Variants in CTTNBP2NL observed in about 807,000 individuals in gnomAD.
CTTNBP2NL encodes the protein CTTNBP2 N-terminal-like protein.
A neutral mutation model predicts 32.5 loss-of-function variants in CTTNBP2NL; 16 were observed. The ratio of observed to expected loss-of-function variants is 0.49; its 90% CI spans 0.33 to 0.75. The LOEUF (loss-of-function observed/expected upper bound fraction) is 0.75, where lower values mean the gene tolerates loss of function less well. CTTNBP2NL is among the 30% of genes least tolerant of loss of function. The pLI is 0.02. For synonymous variants in CTTNBP2NL, 298 were observed against 289.4 expected, an observed-to-expected ratio of 1.03 and a Z score of -0.30; for missense variants, 645 against 756.0, an observed-to-expected ratio of 0.85 and a Z score of 1.72.
At position 112,416,653 on chromosome 1, in the gene CTTNBP2NL, C is replaced by T. The variant is rs561557100; in HGVS notation, c.99+389C>T. Among the ~76,000 whole-genome samples, 129 of 152,110 alleles carry T rather than the reference C, an allele frequency of 8.5e-4. 2 individuals carry two copies. The highest frequency in any genetic ancestry group is 2.9e-4 in the Non-Finnish European group (20 of 67,982). On this transcript the variant is annotated intron_variant, in intron 3 of 5. Transcript: ENST00000271277. ...GACTACAGGCGCACACCACCATGCC[C>T]AGCTAATTTTTGTATTTTTAGTAGA...
At chr1:112,454,325 T>A in intron 4 of CTTNBP2NL, 124 bp from the exon 5 acceptor site, 1 of 676,014 alleles carries the variant, frequency 1.5e-6, no homozygotes, top group Non-Finnish European at 2.6e-6. Context: ...TGGGTTTCAT[T>A]TATTCGTTTG....
chr1:112,400,445 G>T (rs1421125167), intron 1 of CTTNBP2NL, among the ~76,000 whole-genome samples: 1 of 152,168 alleles, frequency 6.6e-6, no homozygotes, highest in Non-Finnish European at 1.5e-5. Flanking sequence ...TGGATCGCTT[G>T]AGGCCAGGAG....
chr1:112,456,994 C>T lies in CTTNBP2NL; in HGVS notation c.1502C>T (p.Ala501Val). 1 of 1,614,118 alleles carries T rather than the reference C, an allele frequency of 6.2e-7. No homozygotes were observed. Among genetic ancestry groups the T allele is most frequent in the Non-Finnish European group, 8.5e-7 (1 of 1,180,016 alleles). Residue 501 changes from alanine (A) to valine (V), a missense_variant, in exon 6 of 6, where the codon GCC becomes GTC. Transcript: ENST00000271277. ...LIDNSAAKQL[A>V]RNTVTQVLSR... is the part of the protein sequence containing the mutation. ...GACAACTCTGCCGCCAAGCAGCTGG[C>T]CCGAAACACAGTCACTCAGGTGCTC...
intron 1 of CTTNBP2NL, among the ~76,000 whole-genome samples, chr1:112,401,404 C>A (rs1648495214): frequency 6.6e-6 from 1 of 152,112 alleles, no homozygotes; most frequent in Admixed American, 6.6e-5. Context: ...ATTCAGCTAG[C>A]CGATGTCTTC....
chr1:112,401,152 A>G (rs1217483221), intron 1 of CTTNBP2NL, among the ~76,000 whole-genome samples: 1 of 152,186 alleles, frequency 6.6e-6, no homozygotes, highest in Non-Finnish European at 1.5e-5. Context: ...CATTTTAGCA[A>G]AGGTGAAGAC....
At chr1:112,433,859 G>A (rs1649645828) in intron 3 of CTTNBP2NL, among the ~76,000 whole-genome samples, 1 of 150,170 alleles carries the variant, frequency 6.7e-6, no homozygotes, top group Non-Finnish European at 1.5e-5. Context: ...TATCTGCTGT[G>A]TCATACTCCA....
At chr1:112,455,107 A>G (rs1650325250) in intron 5 of CTTNBP2NL, among the ~76,000 whole-genome samples, 1 of 152,206 alleles carries the variant, frequency 6.6e-6, no homozygotes, top group Admixed American at 6.5e-5. Context: ...AATGGATCTC[A>G]GAGTTTGAAA....
At chr1:112,438,285 T>A (rs1246632887) in intron 3 of CTTNBP2NL, among the ~76,000 whole-genome samples, 4 of 152,194 alleles carry the variant, frequency 2.6e-5, no homozygotes, top group Non-Finnish European at 5.9e-5. Flanking sequence ...TATTCCTAGC[T>A]ATTTTATTCT....
intron 3 of CTTNBP2NL, among the ~76,000 whole-genome samples, chr1:112,435,180 A>G (rs1017598161): frequency 5.3e-5 from 8 of 151,654 alleles, no homozygotes; most frequent in South Asian, 2.1e-4. Context: ...TACCCAATAA[A>G]TGTTCATAGA....
intron 1 of CTTNBP2NL, among the ~76,000 whole-genome samples, chr1:112,398,751 C>T (rs1648403896): frequency 7.2e-6 from 1 of 138,594 alleles, no homozygotes; most frequent in Admixed American, 8.1e-5. Context: ...TTTGAGGTTA[C>T]AGTGAGCTAT....
chr1:112,452,103 T>C (rs1364858283), intron 4 of CTTNBP2NL, among the ~76,000 whole-genome samples: 1 of 152,124 alleles, frequency 6.6e-6, no homozygotes, highest in Non-Finnish European at 1.5e-5. Context: ...GCCAAAAGCA[T>C]GTCTTTCTAT....
intron 1 of CTTNBP2NL, among the ~76,000 whole-genome samples, chr1:112,407,643 A>T (rs554490729): frequency 8.5e-5 from 13 of 152,314 alleles, no homozygotes; most frequent in African/African-American, 3.1e-4. Context: ...GGTACAAGTC[A>T]GCCTGTGTTA....
At chr1:112,419,536 C>G (rs1232838459) in intron 3 of CTTNBP2NL, among the ~76,000 whole-genome samples, 1 of 142,348 alleles carries the variant, frequency 7.0e-6, no homozygotes, top group Non-Finnish European at 1.6e-5. Flanking sequence ...CAGTTGTATC[C>G]AAGTTGTGGC....
At chr1:112,405,321 A>G (rs1648626740) in intron 1 of CTTNBP2NL, among the ~76,000 whole-genome samples, 1 of 152,136 alleles carries the variant, frequency 6.6e-6, no homozygotes, top group African/African-American at 2.4e-5. Flanking sequence ...GTTTTGAGAT[A>G]GAGTCTTGCT....
At chr1:112,413,570 T>C (rs1481922868) in intron 2 of CTTNBP2NL, among the ~76,000 whole-genome samples, 1 of 152,216 alleles carries the variant, frequency 6.6e-6, no homozygotes, top group African/African-American at 2.4e-5. Context: ...AGATGTGGCA[T>C]CTGACTACCA....
At chr1:112,455,901 A>G in intron 5 of CTTNBP2NL, 30 bp from the exon 6 acceptor site, 1 of 1,521,566 alleles carries the variant, frequency 6.6e-7, no homozygotes, top group South Asian at 1.3e-5. Flanking sequence ...ACAGTTTGTC[A>G]GTATGTCTCT....
chr1:112,456,891 C>A lies in CTTNBP2NL; in HGVS notation c.1399C>A (p.Gln467Lys), dbSNP rs757935734. ...QRFHAARHKF[Q>K]SQADQDQQAS... ...GTTCCATGCAGCTCGCCACAAATTT[C>A]AGTCCCAAGCAGATCAGGACCAACA... is the stretch of plus-strand genomic sequence containing the variant. Residue 467 changes from glutamine (Q) to lysine (K), a missense_variant, in exon 6 of 6, where the codon CAG becomes AAG. Transcript: ENST00000271277. 1.2e-6 allele frequency: 2 copies of A among 1,614,010 alleles called. No individual in the cohort carries two copies. Among genetic ancestry groups the A allele is most frequent in the Non-Finnish European group, 1.7e-6 (2 of 1,180,042 alleles).
chr1:112,394,189 C>T (rs1472302601), upstream of CTTNBP2NL, among the ~76,000 whole-genome samples: 6 of 142,702 alleles, frequency 4.2e-5, no homozygotes, highest in African/African-American at 1.3e-4. Flanking sequence ...GGAGACAGAG[C>T]GAGACTCCAT....
chr1:112,426,162 T>C (rs1311168042), intron 3 of CTTNBP2NL, among the ~76,000 whole-genome samples: 3 of 152,160 alleles, frequency 2.0e-5, no homozygotes, highest in Non-Finnish European at 4.4e-5. Flanking sequence ...ATTTGTATTT[T>C]TAATTTGCAG....
Sources: allele counts gnomAD v4.1 joint callset (sites outside exome capture counted in the v4.1 genomes callset), GRCh38; gene constraint gnomAD v4.1.1; transcripts MANE v1.5; gene names NCBI Gene and HGNC (gene_info 2026-07-23, HGNC 2026-07-21).